Variants in KIRREL3 observed in about 807,000 individuals in gnomAD.
The protein encoded by KIRREL3 is kirre like nephrin family adhesion molecule 3.
Under a neutral mutation model 89.7 loss-of-function variants are expected in KIRREL3, and 36 were observed. The observed-to-expected ratio is 0.40, with a 90% CI of 0.31 to 0.53. The LOEUF is 0.53. KIRREL3 is among the 20% of genes least tolerant of loss of function. KIRREL3 has a pLI of 0.49. For synonymous variants in KIRREL3, 445 were observed against 441.4 expected (o/e 1.01, Z -0.10); for missense variants, 864 against 1,056.6 (o/e 0.82, Z 2.53).
In KIRREL3 at chr11:126,703,998, C is replaced by T. The variant is rs926320400; in HGVS notation, c.56-141086G>A. 5.3e-5 allele frequency among the ~76,000 whole-genome samples: 8 copies of T among 152,206 alleles called. No individual in the cohort carries two copies. Among genetic ancestry groups the T allele is most frequent in the East Asian group, 3.9e-4 (2 of 5,190 alleles). ...TTGAACTCACTCTCTGGAATCACTG[C>T]GCCCATCTTTTCAGAGATGTTGCTA... On this transcript the variant is annotated intron_variant, in intron 1 of 16. Transcript: ENST00000525144. The surrounding 1 kb of genome is among the most constrained non-coding windows in gnomAD (Gnocchi z 4.6).
intron 1 of KIRREL3, among the ~76,000 whole-genome samples, chr11:126,854,126 T>TGTGTG (rs1944430958): frequency 6.9e-6 from 1 of 143,922 alleles, no homozygotes; most frequent in Non-Finnish European, 1.5e-5. Context: ...AATAAGTTTC[T>TGTGTG]TGTGTGTGTG....
intron 1 of KIRREL3, among the ~76,000 whole-genome samples, chr11:126,886,097 A>G (rs1189957031): frequency 1.3e-5 from 2 of 152,178 alleles, no homozygotes; most frequent in African/African-American, 2.4e-5. Context: ...CTCCCTGCCC[A>G]CATGACATTC....
Position 126,954,560 on chromosome 11 carries a change from T to C in KIRREL3, c.55+45895A>G, listed in dbSNP as rs536752542. Among the ~76,000 whole-genome samples, 137 of 151,942 alleles carry C rather than the reference T, an allele frequency of 9.0e-4. No homozygotes were observed. The highest frequency in any genetic ancestry group is 2.4e-3 in the Admixed American group (37 of 15,268). On this transcript the variant is annotated intron_variant, in intron 1 of 16. Coordinates refer to ENST00000525144, the MANE Select transcript of KIRREL3 (RefSeq NM_032531.4). The surrounding 1 kb of genome is among the most constrained non-coding windows in gnomAD (Gnocchi z 4.1). ...CTTTATCCAAGCTGGGTAGAACAGATGGCCCAGAAAGCGCAAACCCACCTT... is the reference window on the plus strand; with the variant it reads ...CTTTATCCAAGCTGGGTAGAACAGACGGCCCAGAAAGCGCAAACCCACCTT...
chr11:126,458,982 C>G (rs1024529298), intron 6 of KIRREL3, among the ~76,000 whole-genome samples: 11 of 152,164 alleles, frequency 7.2e-5, no homozygotes, highest in African/African-American at 2.4e-4. Flanking sequence ...TGGGACCCTA[C>G]CTAGAGAACA....
rs1300289731 is a variant in KIRREL3 at position 126,685,241 on chromosome 11, G to C, written c.56-122329C>G. On this transcript the variant is annotated intron_variant, in intron 1 of 16. Transcript: ENST00000525144. This position sits in a 1 kb window ranked among gnomAD's most constrained non-coding sequence, Gnocchi z 5.5. ...CTCTGCTCTGGGGAGTCAGGGGCAG[G>C]GCGGCAGATGCTTGGGGTCACATGA... 6.6e-6 allele frequency among the ~76,000 whole-genome samples: 1 copy of C among 152,158 alleles called. No homozygotes were observed. Among genetic ancestry groups the C allele is most frequent in the East Asian group, 1.9e-4 (1 of 5,184 alleles).
chr11:126,888,576 T>C, intron 1 of KIRREL3, among the ~76,000 whole-genome samples: 1 of 152,222 alleles, frequency 6.6e-6, no homozygotes, highest in Non-Finnish European at 1.5e-5. Context: ...CCCACTTATC[T>C]TAGAATGTGT....
intron 1 of KIRREL3, among the ~76,000 whole-genome samples, chr11:126,726,171 A>G (rs935940988): frequency 6.6e-6 from 1 of 152,112 alleles, no homozygotes; most frequent in African/African-American, 2.4e-5. Context: ...ACCCAGCTTG[A>G]CAACCACAAA....
intron 7 of KIRREL3, among the ~76,000 whole-genome samples, chr11:126,451,198 TGC>T (rs764418805): frequency 4.9e-4 from 73 of 149,370 alleles, no homozygotes; most frequent in Non-Finnish European, 9.3e-4. Flanking sequence ...GCCGTGTGTG[TGC>T]ATGTGTGTGC....
At chr11:126,949,572 C>G (rs1239259732) in intron 1 of KIRREL3, among the ~76,000 whole-genome samples, 2 of 152,234 alleles carry the variant, frequency 1.3e-5, no homozygotes, top group African/African-American at 2.4e-5. Context: ...AGATCAGAAG[C>G]TGAGCATCTC....
chr11:126,613,893 T>TTTTTTTTTTTTTTTTTTTTTTTTTTTTG (rs371748740), intron 1 of KIRREL3, among the ~76,000 whole-genome samples: 2 of 118,644 alleles, frequency 1.7e-5, no homozygotes, highest in Non-Finnish European at 3.4e-5. Context: ...TTTTTTTTTT[T>TTTTTTTTTTTTTTTTTTTTTTTTTTTTG]ATTTTTTTCC....
At chr11:126,648,054 T>G (rs981939193) in intron 1 of KIRREL3, among the ~76,000 whole-genome samples, 10 of 152,282 alleles carry the variant, frequency 6.6e-5, no homozygotes, top group Non-Finnish European at 7.4e-5. Flanking sequence ...ATTTCCCCCT[T>G]GCTGTTCTTG....
intron 4 of KIRREL3, among the ~76,000 whole-genome samples, chr11:126,504,255 T>A (rs1957952562): frequency 6.6e-6 from 1 of 152,162 alleles, no homozygotes; most frequent in Non-Finnish European, 1.5e-5. Context: ...TTCTCTGTAT[T>A]ACTGCAAGAG....
rs763077637 is a variant in KIRREL3 at position 126,525,681 on chromosome 11, A to G, written c.283+857T>C. ...CCACCCTTAGCTATTCCCAAATCAC[A>G]GGGGAATGACACCCAGAGGTCCCTG... On this transcript the variant is annotated intron_variant, in intron 3 of 16. Transcript: ENST00000525144. This position sits in a 1 kb window ranked among gnomAD's most constrained non-coding sequence, Gnocchi z 5.4. Among the ~76,000 whole-genome samples the G allele has an allele frequency of 1.3e-5, 2 of 152,196 alleles. No homozygotes were observed. The highest frequency in any genetic ancestry group is 2.9e-5 in the Non-Finnish European group (2 of 68,042).
At chr11:126,458,883 G>A (rs768738332) in intron 6 of KIRREL3, among the ~76,000 whole-genome samples, 1 of 152,154 alleles carries the variant, frequency 6.6e-6, no homozygotes, top group Non-Finnish European at 1.5e-5. Context: ...ACCTCTCCTC[G>A]AAGCTGCACC....
chr11:126,571,014 T>C lies in KIRREL3; in HGVS notation c.56-8102A>G, dbSNP rs1293851133. ...GTTATTTAGCGAGAGATTGACACTT[T>C]AGAGGAGTGAGGAGTTTGTCCTGAG... On this transcript the variant is annotated intron_variant, in intron 1 of 16. Coordinates refer to ENST00000525144, the MANE Select transcript of KIRREL3 (RefSeq NM_032531.4). This position sits in a 1 kb window ranked among gnomAD's most constrained non-coding sequence, Gnocchi z 7.7. Among the ~76,000 whole-genome samples the C allele has an allele frequency of 6.6e-6, 1 of 152,200 alleles. No individual in the cohort carries two copies. The highest frequency in any genetic ancestry group is 1.5e-5 in the Non-Finnish European group (1 of 68,016).
At chr11:126,799,472 C>CATGTGTGTA in intron 1 of KIRREL3, among the ~76,000 whole-genome samples, 1 of 148,650 alleles carries the variant, frequency 6.7e-6, no homozygotes, top group Non-Finnish European at 1.5e-5. Context: ...ATGTGTGTAT[C>CATGTGTGTA]TGTGTGTGTG....
At position 126,677,262 on chromosome 11, in the gene KIRREL3, G is replaced by A. The variant is rs1033565563; in HGVS notation, c.56-114350C>T. On this transcript the variant is annotated intron_variant, in intron 1 of 16. Coordinates refer to ENST00000525144, the MANE Select transcript of KIRREL3 (RefSeq NM_032531.4). This position sits in a 1 kb window ranked among gnomAD's most constrained non-coding sequence, Gnocchi z 5.1. ...CCTCCCCATCACCTGGGTTTTAGGC[G>A]ACTACTAATTTACTTTCTGGCTAAT... Among the ~76,000 whole-genome samples, 2 of 152,048 alleles carry A rather than the reference G, an allele frequency of 1.3e-5. No individual in the cohort carries two copies. Among genetic ancestry groups the A allele is most frequent in the African/African-American group, 4.8e-5 (2 of 41,380 alleles).
rs1464886135 is a variant in KIRREL3, at chr11:126,748,392, G to T, written c.56-185480C>A. ...CCACTTAAACAATAATCTTGCCATTGCATCTGCAAAACCCCAGACTCAGGC... is the reference window on the plus strand; with the variant it reads ...CCACTTAAACAATAATCTTGCCATTTCATCTGCAAAACCCCAGACTCAGGC... On this transcript the variant is annotated intron_variant, in intron 1 of 16. Transcript: ENST00000525144. This position sits in a 1 kb window ranked among gnomAD's most constrained non-coding sequence, Gnocchi z 4.6. Among the ~76,000 whole-genome samples, 2 of 152,228 alleles carry T rather than the reference G, an allele frequency of 1.3e-5. No individual in the cohort carries two copies. The highest frequency in any genetic ancestry group is 2.9e-5 in the Non-Finnish European group (2 of 68,026).
At chr11:126,845,026 C>A (rs924591594) in intron 1 of KIRREL3, among the ~76,000 whole-genome samples, 3 of 152,102 alleles carry the variant, frequency 2.0e-5, no homozygotes, top group African/African-American at 7.2e-5. Flanking sequence ...CTCAGGGCAA[C>A]CATCTTGGCC....
Sources: allele counts gnomAD v4.1 joint callset (sites outside exome capture counted in the v4.1 genomes callset), GRCh38; gene constraint gnomAD v4.1.1; non-coding constraint Gnocchi (gnomAD v3.1); transcripts MANE v1.5; gene names NCBI Gene and HGNC (gene_info 2026-07-23, HGNC 2026-07-21).